The following CCDC102B variants were observed in gnomAD, a reference collection of about 807,000 sequenced individuals.
CCDC102B encodes the protein coiled-coil domain-containing protein 102B.
Under a neutral mutation model 57.4 loss-of-function variants are expected in CCDC102B, and 75 were observed. That is an observed-to-expected ratio of 1.31 (90% CI 1.08 to 1.58). The LOEUF (loss-of-function observed/expected upper bound fraction) is 1.58. Ranked by LOEUF, CCDC102B falls within the 40% of genes most tolerant of loss-of-function variation. The pLI, the probability that CCDC102B is intolerant of heterozygous loss-of-function variation, is 0.00. For missense variants in CCDC102B, 636 were observed against 582.6 expected, an observed-to-expected ratio of 1.09 and a Z score of -0.94; for synonymous variants, 206 against 201.9, an observed-to-expected ratio of 1.02 and a Z score of -0.17.
At chr18:68,727,775 T>C (rs559561143) in intron 2 of CCDC102B, among the ~76,000 whole-genome samples, 4 of 152,342 alleles carry the variant, frequency 2.6e-5, no homozygotes, top group African/African-American at 7.2e-5. Context: ...CATGGGAGAA[T>C]AGACCAGATT....
intron 7 of CCDC102B, among the ~76,000 whole-genome samples, chr18:69,041,334 C>G (rs529875454): frequency 6.6e-6 from 1 of 152,088 alleles, no homozygotes; most frequent in South Asian, 2.1e-4. Flanking sequence ...TTTACCAGTT[C>G]CCCTTATAGT....
intron 6 of CCDC102B, among the ~76,000 whole-genome samples, chr18:68,956,355 T>G (rs1367461543): frequency 2.1e-5 from 1 of 47,026 alleles, no homozygotes; most frequent in African/African-American, 5.9e-5. Context: ...TATATTAATA[T>G]ATATAATATA....
chr18:68,815,278 T>A (rs1041012746), intron 1 of CCDC102B, among the ~76,000 whole-genome samples: 5 of 152,170 alleles, frequency 3.3e-5, no homozygotes, highest in Admixed American at 6.5e-5. Context: ...CAAATATATT[T>A]TCATCTCCAA....
At chr18:69,042,344 G>A (rs2052454001) in intron 7 of CCDC102B, among the ~76,000 whole-genome samples, 1 of 152,154 alleles carries the variant, frequency 6.6e-6, no homozygotes, top group Non-Finnish European at 1.5e-5. Flanking sequence ...CGCTAAATCA[G>A]CCTGTTTCAT....
At chr18:68,929,516 C>T (rs2041594897) in intron 6 of CCDC102B, among the ~76,000 whole-genome samples, 1 of 151,818 alleles carries the variant, frequency 6.6e-6, no homozygotes, top group Admixed American at 6.6e-5. Context: ...CTTAGCAAGG[C>T]AAAAACAGGA....
intron 1 of CCDC102B, among the ~76,000 whole-genome samples, chr18:68,813,437 G>A (rs991131015): frequency 5.9e-5 from 9 of 152,126 alleles, no homozygotes; most frequent in African/African-American, 2.2e-4. Context: ...GAAGGGTAGA[G>A]GAAGGGATGG....
At chr18:69,030,247 A>G (rs1430037580) in intron 7 of CCDC102B, among the ~76,000 whole-genome samples, 1 of 152,196 alleles carries the variant, frequency 6.6e-6, no homozygotes, top group Non-Finnish European at 1.5e-5. Context: ...TTACTGTACT[A>G]TCTACAAACC....
At chr18:68,717,734 A>C (rs191204799) in intron 2 of CCDC102B, among the ~76,000 whole-genome samples, 1 of 151,940 alleles carries the variant, frequency 6.6e-6, no homozygotes, top group Non-Finnish European at 1.5e-5. Flanking sequence ...AAAAGATTCT[A>C]CTATTTTGAC....
chr18:68,870,606 G>A (rs2039202423), intron 4 of CCDC102B, among the ~76,000 whole-genome samples: 1 of 152,190 alleles, frequency 6.6e-6, no homozygotes, highest in Admixed American at 6.5e-5. Context: ...AGATGTCTCT[G>A]TGGAGACATG....
chr18:69,010,023 C>T (rs1466257518), intron 6 of CCDC102B, among the ~76,000 whole-genome samples: 4 of 141,216 alleles, frequency 2.8e-5, no homozygotes, highest in African/African-American at 7.7e-5. Context: ...GCTCCAGCTC[C>T]CGGGTTCACG....
At chr18:68,982,478 C>T (rs1453201929) in intron 6 of CCDC102B, among the ~76,000 whole-genome samples, 1 of 151,838 alleles carries the variant, frequency 6.6e-6, no homozygotes, top group Non-Finnish European at 1.5e-5. Context: ...ATGTACTCAC[C>T]TAAACATTTT....
intron 7 of CCDC102B, among the ~76,000 whole-genome samples, chr18:69,037,249 C>T (rs922126902): frequency 2.0e-5 from 3 of 151,900 alleles, no homozygotes; most frequent in African/African-American, 4.8e-5. Flanking sequence ...TATGCACCCA[C>T]ACATCCGTAT....
At chr18:68,769,729 A>G (rs1006592581) in intron 2 of CCDC102B, among the ~76,000 whole-genome samples, 3 of 152,212 alleles carry the variant, frequency 2.0e-5, no homozygotes, top group Admixed American at 6.5e-5. Context: ...ATCTCTTCCA[A>G]TAATCTGAAA....
intron 2 of CCDC102B, among the ~76,000 whole-genome samples, chr18:68,779,583 C>T (rs761801283): frequency 6.6e-6 from 1 of 151,914 alleles, no homozygotes; most frequent in East Asian, 1.9e-4. Context: ...AAATTCAGTA[C>T]ATTTATTTAT....
In CCDC102B at chr18:69,054,645, TAA is replaced by T; in HGVS notation, c.*509_*510del. On this transcript the variant is annotated 3_prime_UTR_variant, in exon 8 of 8. Transcript: ENST00000360242. ...ACAATACATTTCTTATATAATTTTA[TAA>T]GTCATTTCTAATCTTTGTATAAAAC... The T allele has an allele frequency of 1.0e-6, 1 of 981,106 alleles. No homozygotes were observed. Among genetic ancestry groups the T allele is most frequent in the Non-Finnish European group, 1.2e-6 (1 of 826,032 alleles). 60.8% of individuals were successfully genotyped at this position (981,106 alleles called of 1,614,324 possible).
intron 6 of CCDC102B, among the ~76,000 whole-genome samples, chr18:68,925,942 G>C (rs559111581): frequency 6.6e-6 from 1 of 151,936 alleles, no homozygotes; most frequent in Admixed American, 6.6e-5. Flanking sequence ...CCTCTTACTT[G>C]ACACTTTTGT....
At chr18:68,729,265 G>A (rs958110483) in intron 2 of CCDC102B, among the ~76,000 whole-genome samples, 7 of 152,120 alleles carry the variant, frequency 4.6e-5, no homozygotes, top group Admixed American at 2.6e-4. Flanking sequence ...CAAGATACCC[G>A]TTATCCCCAA....
chr18:68,895,727 G>A lies in CCDC102B; in HGVS notation c.1054-1492G>A, dbSNP rs192282459. Among the ~76,000 whole-genome samples, 636 of 151,812 alleles carry A rather than the reference G, an allele frequency of 4.2e-3. 4 individuals carry two copies. The highest frequency in any genetic ancestry group is 0.014 in the African/African-American group (591 of 41,488). Reference sequence around the variant, plus strand: ...TGCTATTGTATTTATGGTATTATATGTATGGTATCATACTAATTTTACTAG... The same window carrying A: ...TGCTATTGTATTTATGGTATTATATATATGGTATCATACTAATTTTACTAG... On this transcript the variant is annotated intron_variant, in intron 5 of 7. Transcript: ENST00000360242.
chr18:68,917,061 G>A (rs1292913322), intron 6 of CCDC102B, among the ~76,000 whole-genome samples: 2 of 152,218 alleles, frequency 1.3e-5, no homozygotes, highest in African/African-American at 4.8e-5. Flanking sequence ...TGGAATCAGA[G>A]CTCCAGGTGG....
Sources: gnomAD v4.1 joint callset for allele counts (sites outside exome capture counted in the v4.1 genomes callset) on GRCh38, gnomAD v4.1.1 for gene constraint, MANE v1.5 for transcripts, NCBI Gene and HGNC (gene_info 2026-07-23, HGNC 2026-07-21) for gene names.